The following USP40 variants were observed in gnomAD, a reference collection of about 807,000 sequenced individuals.
USP40 encodes ubiquitin carboxyl-terminal hydrolase 40.
USP40 carries 143 observed loss-of-function variants against 166.2 expected under a neutral mutation model. That is an observed-to-expected ratio of 0.86 (90% confidence interval 0.75 to 0.99). USP40 has a LOEUF of 0.99. USP40 is among the 50% of genes least tolerant of loss of function. USP40 has a pLI of 0.00. For missense variants in USP40, 1,444 were observed against 1,479.7 expected (o/e 0.98, Z 0.40); for synonymous variants, 498 against 524.0 (o/e 0.95, Z 0.68).
intron 21 of USP40, among the ~76,000 whole-genome samples, chr2:233,508,662 T>C (rs2125143272): frequency 6.6e-6 from 1 of 152,308 alleles, no homozygotes; most frequent in Non-Finnish European, 1.5e-5. Context: ...TGTAAAATTC[T>C]AAAATGCCTT....
chr2:233,557,109 A>T, intron 4 of USP40, 90 bp from the exon 5 acceptor site: 1 of 1,197,518 alleles, frequency 8.4e-7, no homozygotes, highest in East Asian at 2.4e-5. Context: ...AAAACTCAAG[A>T]TTTATCAAGC....
chr2:233,511,771 C>T lies in USP40; in HGVS notation c.2464G>A (p.Ala822Thr). 2 of 1,611,782 alleles carry T rather than the reference C, an allele frequency of 1.2e-6. No individual in the cohort carries two copies. Among genetic ancestry groups the T allele is most frequent in the Non-Finnish European group, 1.7e-6 (2 of 1,179,034 alleles). The part of the protein sequence containing the change: ...PVPDSYTLKE[A>T]ELKMGSSLGL... ...AATGAACTTCCCATCTTCAATTCTG[C>T]TTCCTTCAAAGTATAGCTGTCCGGC... Residue 822 changes from alanine (A) to threonine (T), a missense_variant, in exon 20 of 32, where the codon GCA (alanine) becomes ACA (threonine). Coordinates refer to ENST00000678225, the MANE Select transcript of USP40 (RefSeq NM_001365479.2).
chr2:233,528,117 T>C lies in USP40; in HGVS notation c.1554-539A>G, dbSNP rs542403998. On this transcript the variant is annotated intron_variant, in intron 12 of 31. Coordinates refer to ENST00000678225, the MANE Select transcript of USP40 (RefSeq NM_001365479.2). Reference sequence around the variant, plus strand: ...CCTCAGCCTCCTGAGTAGCTGGGATTACATGTGTGTGCCACCATGCCTGGC... The same window carrying C: ...CCTCAGCCTCCTGAGTAGCTGGGATCACATGTGTGTGCCACCATGCCTGGC... 3.3e-4 allele frequency among the ~76,000 whole-genome samples: 51 copies of C among 152,250 alleles called. 1 individual carries two copies. The highest frequency in any genetic ancestry group is 3.9e-4 in the Admixed American group (6 of 15,280).
intron 8 of USP40, chr2:233,547,151 T>A (rs2070027466): frequency 1.3e-5 from 2 of 152,204 alleles, no homozygotes; most frequent in Non-Finnish European, 2.9e-5. Context: ...AACATGAGTG[T>A]TTAGCAAGAT....
rs750014094 is a variant in USP40, at chr2:233,549,213, A to G, written c.854T>C (p.Leu285Ser). ...PFCEQSELDD[L>S]EYIYDLFSVI... is the part of the protein sequence containing the mutation. ...TGAGAAGAGGTCATATATATATTCTAAGTCATCCAATTCACTCTAAAAGAA... is the reference window on the plus strand; with the variant it reads ...TGAGAAGAGGTCATATATATATTCTGAGTCATCCAATTCACTCTAAAAGAA... The change falls in exon 8 of 32, where the codon TTA becomes TCA. Residue 285 changes from leucine (L) to serine (S), a missense_variant. Transcript: ENST00000678225. 1.6e-5 allele frequency: 23 copies of G among 1,459,836 alleles called. No homozygotes were observed. The African/African-American group carries it at 3.1e-4, about 19-fold the overall frequency. 90.4% of individuals were successfully genotyped at this position (1,459,836 alleles called of 1,614,324 possible).
chr2:233,490,380 C>A (rs1328427981), intron 26 of USP40, among the ~76,000 whole-genome samples: 2 of 151,730 alleles, frequency 1.3e-5, no homozygotes, highest in African/African-American at 4.8e-5. Flanking sequence ...CCATGTTGGC[C>A]AGGTTGGTCC....
intron 3 of USP40, among the ~76,000 whole-genome samples, chr2:233,561,523 AG>A (rs1270262612): frequency 6.1e-5 from 9 of 148,578 alleles, no homozygotes; most frequent in African/African-American, 2.0e-4. Flanking sequence ...ATATGTAGAA[AG>A]CTGAAACTGG....
At chr2:233,497,093 G>A (rs77303225) in intron 23 of USP40, among the ~76,000 whole-genome samples, 1,943 of 152,300 alleles carry the variant, frequency 0.013, 39 homozygotes, top group East Asian at 0.084. Context: ...CTGATTTACA[G>A]AAGATGAAAT....
intron 21 of USP40, among the ~76,000 whole-genome samples, chr2:233,504,485 G>T (rs1173056284): frequency 6.6e-6 from 1 of 151,930 alleles, no homozygotes; most frequent in African/African-American, 2.4e-5. Context: ...GTGAGCAAGA[G>T]TAGCCACATT....
chr2:233,557,805 G>A (rs1268364759), intron 4 of USP40, among the ~76,000 whole-genome samples: 1 of 151,942 alleles, frequency 6.6e-6, no homozygotes, highest in Non-Finnish European at 1.5e-5. Context: ...GGAAGGAGAG[G>A]AACAAATGGA....
intron 7 of USP40, 88 bp downstream of exon 7, chr2:233,551,288 T>G: frequency 1.4e-6 from 2 of 1,382,730 alleles, no homozygotes; most frequent in Non-Finnish European, 1.9e-6. Context: ...TTAGAGATTC[T>G]CACAATAAAC....
chr2:233,493,189 T>C lies in USP40; in HGVS notation c.2917+236A>G, dbSNP rs933122111. On this transcript the variant is annotated intron_variant, in intron 25 of 31. Transcript: ENST00000678225. This position sits in a 1 kb window ranked among gnomAD's most constrained non-coding sequence, Gnocchi z 4.7. ...AAAGTCTTTGGAAAGTGTAATATAT[T>C]GATATAATAATAAACAACAAGATAT... is the stretch of plus-strand genomic sequence containing the variant. The C allele has an allele frequency of 3.5e-6, 2 of 572,654 alleles. No homozygotes were observed. Among genetic ancestry groups the C allele is most frequent in the South Asian group, 2.9e-5 (1 of 34,916 alleles). The allele number at this position is 572,654 out of a possible 1,614,324, so 35.5% of individuals were successfully genotyped here.
Position 233,476,274 on chromosome 2 carries a change from G to A in USP40, c.*1118C>T, listed in dbSNP as rs1402425112. 1 of 152,394 alleles carries A rather than the reference G, an allele frequency of 6.6e-6. No individual in the cohort carries two copies. The highest frequency in any genetic ancestry group is 1.5e-5 in the Non-Finnish European group (1 of 68,052). The allele number at this position is 152,394 out of a possible 1,614,324, so 9.4% of individuals were successfully genotyped here. ...TGACGGGGCTGACGAGAAACCGTGAGGCCCAGGTGACAAGCAGGCTCAGGA... is the reference window on the plus strand; with the variant it reads ...TGACGGGGCTGACGAGAAACCGTGAAGCCCAGGTGACAAGCAGGCTCAGGA... On this transcript the variant is annotated 3_prime_UTR_variant, in exon 32 of 32. Coordinates refer to ENST00000678225, the MANE Select transcript of USP40 (RefSeq NM_001365479.2).
At position 233,565,661 on chromosome 2, in the gene USP40, T is replaced by C. The variant is rs970738157; in HGVS notation, c.-19-88A>G. ...CCTTACACTTGGGAGTCGATTCTGT[T>C]GTTTCTTAGAACACAGGACTACTGT... On this transcript the variant is annotated intron_variant, in intron 1 of 31. Transcript: ENST00000678225. 4 of 1,152,228 alleles carry C rather than the reference T, an allele frequency of 3.5e-6. No homozygotes were observed. The East Asian group carries it at 1.0e-4, about 29-fold the overall frequency. 71.4% of individuals were successfully genotyped at this position (1,152,228 alleles called of 1,614,324 possible).
rs547248315 is a variant in USP40, at chr2:233,527,470, G to A, written c.1662C>T (p.Ser554=). The change falls in exon 13 of 32, where the codon AGC becomes AGT. Residue 554 remains serine (S), a synonymous_variant. Transcript: ENST00000678225. The part of the protein sequence containing the change: ...ALHPVVSQTE[S]VWDLTFDKRK... ...TTTTATCAAAGGTCAAATCCCACAC[G>A]CTTTCTGTTTGAGAGACTACTGGGT... 8.1e-6 allele frequency: 13 copies of A among 1,613,736 alleles called. No individual in the cohort carries two copies. The highest frequency in any genetic ancestry group is 6.7e-5 in the Admixed American group (4 of 59,990).
chr2:233,524,464 C>T lies in USP40; in HGVS notation c.1881+28G>A, dbSNP rs747679532. On this transcript the variant is annotated intron_variant, in intron 15 of 31. Coordinates refer to ENST00000678225, the MANE Select transcript of USP40 (RefSeq NM_001365479.2). The stretch of plus-strand genomic sequence containing the variant: ...ACTTTTAAAACATCCAAAATTATCA[C>T]GAATATTTCTTCAGTAATTTTTTTT... The T allele has an allele frequency of 5.7e-6, 9 of 1,584,354 alleles. No homozygotes were observed. In the South Asian group the frequency reaches 8.0e-5, roughly 14 times the overall value.
rs372680595 is a variant in USP40 at position 233,538,644 on chromosome 2, C to T, written c.1170+2018G>A. On this transcript the variant is annotated intron_variant, in intron 10 of 31. Transcript: ENST00000678225. ...AACAAGATCCAACTTCATACTGAGA[C>T]ACACATGTATAAGAAAGCTTATATG... Among the ~76,000 whole-genome samples the T allele has an allele frequency of 3.0e-4, 46 of 152,276 alleles. No homozygotes were observed. The South Asian group carries it at 9.3e-3, about 31-fold the overall frequency.
intron 18 of USP40, among the ~76,000 whole-genome samples, chr2:233,517,085 A>C (rs190849065): frequency 1.3e-3 from 196 of 152,276 alleles, no homozygotes; most frequent in African/African-American, 4.5e-3. Flanking sequence ...TGTTGCTGGT[A>C]GGTAAAAAGG....
intron 2 of USP40, 141 bp from the exon 3 acceptor site, chr2:233,562,944 C>A: frequency 2.0e-6 from 1 of 498,434 alleles, no homozygotes; most frequent in Non-Finnish European, 3.4e-6. Context: ...TTACTCTATA[C>A]ACTTTACTTT....
Sources: gnomAD v4.1 joint callset for allele counts (sites outside exome capture counted in the v4.1 genomes callset) on GRCh38, gnomAD v4.1.1 for gene constraint, Gnocchi (gnomAD v3.1) non-coding constraint, MANE v1.5 for transcripts, NCBI Gene and HGNC (gene_info 2026-07-23, HGNC 2026-07-21) for gene names.